Variants in HNRNPD observed in about 807,000 individuals in gnomAD.
The protein encoded by HNRNPD is heterogeneous nuclear ribonucleoprotein D0.
In HNRNPD, 3 loss-of-function variants were observed where a neutral mutation model predicts 47.9. The observed-to-expected ratio is 0.06, with a 90% confidence interval of 0.03 to 0.16. HNRNPD has a LOEUF of 0.16. Among genes scored for constraint, HNRNPD ranks in the 10% least tolerant of loss-of-function variants. The pLI is 1.00. For missense variants in HNRNPD, 287 were observed against 454.2 expected (o/e 0.63, Z 3.35); for synonymous variants, 171 against 165.1 (o/e 1.04, Z -0.28).
chr4:82,371,601 C>T lies in HNRNPD; in HGVS notation c.234-17G>A. ...TTTGAATGGCTAGGGAATTAACAAC[C>T]GGTACAGCAACCAATCAAAATTCTA... On this transcript the variant is annotated splice_polypyrimidine_tract_variant and intron_variant, in intron 1 of 8. Coordinates refer to ENST00000313899, the MANE Select transcript of HNRNPD (RefSeq NM_031370.3). 6.2e-7 allele frequency: 1 copy of T among 1,609,018 alleles called. No homozygotes were observed. Among genetic ancestry groups the T allele is most frequent in the Non-Finnish European group, 8.5e-7 (1 of 1,175,898 alleles).
intron 4 of HNRNPD, chr4:82,358,378 T>G (rs951530062): frequency 6.4e-5 from 19 of 297,110 alleles, no homozygotes; most frequent in Non-Finnish European, 1.2e-4. Context: ...CTAATCTAGA[T>G]TTCTTCCTCT....
In HNRNPD at chr4:82,373,758, G is replaced by A; in HGVS notation, c.-80C>T. ...CGAAACTAGCAGCAAAGTAATCCCCGCCGCTGCCGCGCGCCCGCTCTACCT... is the reference window on the plus strand; with the variant it reads ...CGAAACTAGCAGCAAAGTAATCCCCACCGCTGCCGCGCGCCCGCTCTACCT... On this transcript the variant is annotated 5_prime_UTR_variant, in exon 1 of 9. Transcript: ENST00000313899. 10 of 1,526,862 alleles carry A rather than the reference G, an allele frequency of 6.5e-6. 1 individual carries two copies. Among genetic ancestry groups the A allele is most frequent in the South Asian group, 6.0e-5 (5 of 83,776 alleles). 94.6% of individuals were successfully genotyped at this position (1,526,862 alleles called of 1,614,324 possible). A position where few individuals can be genotyped will look rare whatever the true frequency, so the allele number is the denominator to read the frequency against.
At chr4:82,358,910 G>A in intron 3 of HNRNPD, 90 bp from the exon 4 acceptor site, 2 of 957,466 alleles carry the variant, frequency 2.1e-6, no homozygotes, top group Non-Finnish European at 3.1e-6. Context: ...TATAAATACA[G>A]ATAATGCCAA....
rs145479451 is a variant in HNRNPD, at chr4:82,355,395, T to C, written c.1007A>G (p.Gln336Arg). 1.2e-6 allele frequency: 2 copies of C among 1,612,224 alleles called. No homozygotes were observed. Among genetic ancestry groups the C allele is most frequent in the Non-Finnish European group, 1.7e-6 (2 of 1,178,376 alleles). The part of the protein sequence containing the change: ...YYGYGDYSNQ[Q>R]SGYGKVSRRG... Reference sequence around the variant, plus strand: ...CCTGGATACCTTCCCATAACCACTCTGCTGGTCTAAAATAAAACAAGTGTT... The same window carrying C: ...CCTGGATACCTTCCCATAACCACTCCGCTGGTCTAAAATAAAACAAGTGTT... Residue 336 changes from glutamine (Q) to arginine (R), a missense_variant, in exon 8 of 9, where the codon CAG (glutamine) becomes CGG (arginine). This residue lies in a region of HNRNPD where 65 missense variants were observed against 107.1 expected (regional missense o/e 0.61). Transcript: ENST00000313899.
intron 4 of HNRNPD, 70 bp from the exon 5 acceptor site, chr4:82,357,514 G>C (rs771193589): frequency 5.3e-5 from 71 of 1,347,266 alleles, no homozygotes; most frequent in Non-Finnish European, 6.1e-5. Context: ...CACAAGTTTA[G>C]AGGGGGGAAA....
chr4:82,372,891 T>C (rs1720133114), intron 1 of HNRNPD, among the ~76,000 whole-genome samples: 3 of 151,942 alleles, frequency 2.0e-5, no homozygotes, highest in Non-Finnish European at 4.4e-5. Flanking sequence ...TTATTCAAAA[T>C]CCCAAGAAAA....
At chr4:82,372,754 C>G (rs931562576) in intron 1 of HNRNPD, among the ~76,000 whole-genome samples, 1 of 152,130 alleles carries the variant, frequency 6.6e-6, no homozygotes, top group Non-Finnish European at 1.5e-5. Flanking sequence ...AACCAATGTA[C>G]CAACAAGAAA....
At position 82,356,617 on chromosome 4, in the gene HNRNPD, T is replaced by C; in HGVS notation, c.920A>G (p.Tyr307Cys). The C allele has an allele frequency of 6.2e-7, 1 of 1,612,326 alleles. No individual in the cohort carries two copies. The highest frequency in any genetic ancestry group is 8.5e-7 in the Non-Finnish European group (1 of 1,179,814). ...YWNQGYGNYG[Y>C]NSQGYGGYGG... is the part of the protein sequence containing the mutation. ...ATAACCACCGTAACCTTGGCTGTTA[T>C]ATCCATAGTTGCCATAGCCTTGATT... Residue 307 changes from tyrosine to cysteine, a missense_variant, in exon 7 of 9, where the codon TAT becomes TGT. This residue lies in a region of HNRNPD where 65 missense variants were observed against 107.1 expected (regional missense o/e 0.61). Transcript: ENST00000313899.
chr4:82,372,863 T>G (rs1169548993), intron 1 of HNRNPD, among the ~76,000 whole-genome samples: 1 of 152,028 alleles, frequency 6.6e-6, no homozygotes, highest in South Asian at 2.1e-4. Flanking sequence ...AGAAAATGAG[T>G]AAATCCTTAG....
At position 82,358,829 on chromosome 4, in the gene HNRNPD, A is replaced by G; in HGVS notation, c.460-9T>C. On this transcript the variant is annotated splice_polypyrimidine_tract_variant and intron_variant, in intron 3 of 8. Transcript: ENST00000313899. ...TCTTTTTGATCCATGACCTAAGGAA[A>G]TTGAAGTTTTCATTTAAAAAATATA... The G allele has an allele frequency of 1.3e-6, 2 of 1,573,774 alleles. No individual in the cohort carries two copies. Among genetic ancestry groups the G allele is most frequent in the Non-Finnish European group, 8.6e-7 (1 of 1,163,806 alleles).
intron 7 of HNRNPD, chr4:82,355,816 T>C (rs544984409): frequency 1.1e-5 from 2 of 176,646 alleles, no homozygotes; most frequent in East Asian, 3.3e-4. Flanking sequence ...TTTGCTGACC[T>C]TCTTCTGACT....
chr4:82,353,752 T>A lies in HNRNPD; in HGVS notation c.*433A>T, dbSNP rs1051667985. ...ATCATGTCCTCAATTTCGGCAAGCC[T>A]GTCTTCCAAACTTATGCTTTTAATA... On this transcript the variant is annotated 3_prime_UTR_variant, in exon 9 of 9. Transcript: ENST00000313899. 1.3e-5 allele frequency: 2 copies of A among 152,674 alleles called. No individual in the cohort carries two copies. Among genetic ancestry groups the A allele is most frequent in the African/African-American group, 4.8e-5 (2 of 41,476 alleles). 9.5% of individuals were successfully genotyped at this position (152,674 alleles called of 1,614,324 possible).
chr4:82,361,454 C>A (rs946691727), intron 2 of HNRNPD, among the ~76,000 whole-genome samples: 1 of 152,116 alleles, frequency 6.6e-6, no homozygotes, highest in Non-Finnish European at 1.5e-5. Flanking sequence ...ATTACCCTTT[C>A]CATGATTATT....
Position 82,355,384 on chromosome 4 carries a change from C to A in HNRNPD, c.1018G>T (p.Gly340Trp). The A allele has an allele frequency of 6.2e-7, 1 of 1,613,414 alleles. No homozygotes were observed. The highest frequency in any genetic ancestry group is 1.3e-5 in the African/African-American group (1 of 75,034). The part of the protein sequence containing the change: ...GDYSNQQSGY[G>W]KVSRRGGHQN... ...TGACCACCTCGCCTGGATACCTTCC[C>A]ATAACCACTCTGCTGGTCTAAAATA... The change falls in exon 8 of 9, where the codon GGG becomes TGG. Residue 340 changes from glycine (G) to tryptophan (W), a missense_variant. Physicochemically the swap from Gly to Trp is radical, Grantham distance 184. Transcript: ENST00000313899.
chr4:82,364,028 G>A (rs965312074), intron 2 of HNRNPD, among the ~76,000 whole-genome samples: 28 of 152,282 alleles, frequency 1.8e-4, no homozygotes, highest in African/African-American at 6.7e-4. Context: ...CCAGGCTGGA[G>A]TGCACTGGCT....
intron 2 of HNRNPD, among the ~76,000 whole-genome samples, chr4:82,361,498 G>A (rs1719436274): frequency 6.6e-6 from 1 of 152,076 alleles, no homozygotes; most frequent in Non-Finnish European, 1.5e-5. Context: ...AACAAACTTT[G>A]AAAGTATTTC....
At chr4:82,373,331 C>A (rs1192113778) in intron 1 of HNRNPD, 115 bp downstream of exon 1, 3 of 1,359,576 alleles carry the variant, frequency 2.2e-6, no homozygotes, top group Non-Finnish European at 2.9e-6. Context: ...TGCAAGGAGG[C>A]TGCATGGGGG....
intron 7 of HNRNPD, 100 bp downstream of exon 7, chr4:82,356,437 G>A (rs1428058436): frequency 1.1e-6 from 1 of 919,992 alleles, no homozygotes; most frequent in East Asian, 2.5e-5. Context: ...GAAACCTGAA[G>A]ACATTTGCAC....
At position 82,358,538 on chromosome 4, in the gene HNRNPD, A is replaced by G; in HGVS notation, c.621+121T>C. 4 of 881,252 alleles carry G rather than the reference A, an allele frequency of 4.5e-6. No homozygotes were observed. In the South Asian group the frequency reaches 6.7e-5, roughly 15 times the overall value. 54.6% of individuals were successfully genotyped at this position (881,252 alleles called of 1,614,324 possible). A position where few individuals can be genotyped will look rare whatever the true frequency, so the allele number is the denominator to read the frequency against. ...GAAGTATTTACAATATCCTTATTCC[A>G]AAACAGATCACATAATCTACCCTAA... is the stretch of plus-strand genomic sequence containing the variant. On this transcript the variant is annotated intron_variant, in intron 4 of 8. Transcript: ENST00000313899.
Sources: allele counts gnomAD v4.1 joint callset (sites outside exome capture counted in the v4.1 genomes callset), GRCh38; gene constraint gnomAD v4.1.1; regional missense constraint gnomAD v4.1.1; transcripts MANE v1.5; gene names NCBI Gene and HGNC (gene_info 2026-07-23, HGNC 2026-07-21).